APCDD1L: variants seen among roughly 807,000 people sequenced by gnomAD.
The protein encoded by APCDD1L is APC down-regulated 1 like.
Under a neutral mutation model 24.2 loss-of-function variants are expected in APCDD1L, and 21 were observed. That is an observed-to-expected ratio of 0.87 (90% CI 0.61 to 1.25). The LOEUF is 1.25. Among genes scored for constraint, APCDD1L ranks in the 50% most tolerant of loss-of-function variants. APCDD1L has a pLI of 0.00. For synonymous variants in APCDD1L, 321 were observed against 323.6 expected (o/e 0.99, Z 0.09); for missense variants, 704 against 711.7 (o/e 0.99, Z 0.12).
rs570322483 is a variant in APCDD1L, at chr20:58,512,902, C to T, written c.49+1757G>A. 6.6e-5 allele frequency among the ~76,000 whole-genome samples: 10 copies of T among 152,202 alleles called. No individual in the cohort carries two copies. The East Asian group carries it at 1.4e-3, about 21-fold the overall frequency. ...TTGAGGGCAGGCTGCCCCCCTCTCTCGTCAGGCCCCCGGGCACTCTTGGCT... is the reference window on the plus strand; with the variant it reads ...TTGAGGGCAGGCTGCCCCCCTCTCTTGTCAGGCCCCCGGGCACTCTTGGCT... On this transcript the variant is annotated intron_variant, in intron 1 of 3. Coordinates refer to ENST00000371149, the MANE Select transcript of APCDD1L (RefSeq NM_153360.3).
chr20:58,491,427 A>G lies in APCDD1L; in HGVS notation c.50-20680T>C, dbSNP rs141857238. 4.4e-3 allele frequency among the ~76,000 whole-genome samples: 664 copies of G among 152,342 alleles called. 7 individuals carry two copies. The highest frequency in any genetic ancestry group is 0.015 in the African/African-American group (618 of 41,594). ...AAAGATGGCTGGATAAAAGAAATCA[A>G]TATGTAAGAATCAATTACATCTTGT... On this transcript the variant is annotated intron_variant, in intron 1 of 3. Transcript: ENST00000371149.
chr20:58,495,771 G>T (rs931831048), intron 1 of APCDD1L, among the ~76,000 whole-genome samples: 34 of 152,330 alleles, frequency 2.2e-4, no homozygotes, highest in African/African-American at 8.2e-4. Context: ...ACCTCCTGTA[G>T]CAACACAGAA....
chr20:58,515,394 A>C lies in APCDD1L; in HGVS notation c.-687T>G. On this transcript the variant is annotated 5_prime_UTR_variant, in exon 1 of 4. Coordinates refer to ENST00000371149, the MANE Select transcript of APCDD1L (RefSeq NM_153360.3). ...CACCACACCCAAACGCATCTAGGCA[A>C]AGTGTGGACCCGACCAGGCGGGTTT... 8.1e-6 allele frequency: 3 copies of C among 372,298 alleles called. No individual in the cohort carries two copies. Among genetic ancestry groups the C allele is most frequent in the South Asian group, 1.5e-4 (1 of 6,788 alleles). The allele number at this position is 372,298 out of a possible 1,614,324, so 23.1% of individuals were successfully genotyped here. A position where few individuals can be genotyped will look rare whatever the true frequency, so the allele number is the denominator to read the frequency against.
intron 1 of APCDD1L, among the ~76,000 whole-genome samples, chr20:58,479,882 C>A (rs1294429174): frequency 1.3e-5 from 2 of 152,168 alleles, no homozygotes; most frequent in East Asian, 1.9e-4. Flanking sequence ...ACTGCTGCAG[C>A]CAAAGATGTA....
chr20:58,467,619 G>C lies in APCDD1L; in HGVS notation c.228C>G (p.Ala76=), dbSNP rs1466153094. 1.1e-5 allele frequency: 17 copies of C among 1,529,846 alleles called. No homozygotes were observed. The South Asian group carries it at 1.7e-4, about 16-fold the overall frequency. 94.8% of individuals were successfully genotyped at this position (1,529,846 alleles called of 1,614,324 possible). The change falls in exon 3 of 4, where the codon GCC becomes GCG. Residue 76 remains alanine, a synonymous_variant. Coordinates refer to ENST00000371149, the MANE Select transcript of APCDD1L (RefSeq NM_153360.3). This position sits in a 1 kb window ranked among gnomAD's most constrained non-coding sequence, Gnocchi z 5.9. ...AGAGCCGGCTGGGGTAGAAGGTGTAGGCGCGGGTCAGGAACTCCGGTCCTG... is the reference window on the plus strand; with the variant it reads ...AGAGCCGGCTGGGGTAGAAGGTGTACGCGCGGGTCAGGAACTCCGGTCCTG... ...VRPGPEFLTR[A]YTFYPSRLFR...
In APCDD1L at chr20:58,461,034, AG is replaced by A; in HGVS notation, c.1261del (p.Leu421SerfsTer63). 1 of 1,614,008 alleles carries A rather than the reference AG, an allele frequency of 6.2e-7. No homozygotes were observed. On this transcript the variant is annotated frameshift_variant, in exon 4 of 4. Coordinates refer to ENST00000371149, the MANE Select transcript of APCDD1L (RefSeq NM_153360.3). LOFTEE classifies it low-confidence loss of function (END_TRUNC). The surrounding 1 kb of genome is among the most constrained non-coding windows in gnomAD (Gnocchi z 6.0). ...YELFKMEQDP[L>X]GQSLLFIGQR... is the part of the protein sequence containing the mutation. ...TCCGATGAAGAGCAGGCTTTGCCCG[AG>A]GGGGTCTTGTTCCATCTTGAAAAGC...
Position 58,467,048 on chromosome 20 carries a change from G to A in APCDD1L, c.741+58C>T. On this transcript the variant is annotated intron_variant, in intron 3 of 3. Transcript: ENST00000371149. This position sits in a 1 kb window ranked among gnomAD's most constrained non-coding sequence, Gnocchi z 5.9. The stretch of plus-strand genomic sequence containing the variant: ...TTGCAAAGCTGCGGGGCTGGGTTCC[G>A]AGCTCGCCTCCCCGAGACCACCACC... 4 of 1,529,010 alleles carry A rather than the reference G, an allele frequency of 2.6e-6. No homozygotes were observed. Among genetic ancestry groups the A allele is most frequent in the African/African-American group, 1.4e-5 (1 of 71,254 alleles). 94.7% of individuals were successfully genotyped at this position (1,529,010 alleles called of 1,614,324 possible). A position where few individuals can be genotyped will look rare whatever the true frequency, so the allele number is the denominator to read the frequency against.
intron 1 of APCDD1L, chr20:58,513,844 T>G (rs1370303985): frequency 7.8e-7 from 1 of 1,281,114 alleles, no homozygotes; most frequent in Non-Finnish European, 1.0e-6. Context: ...GATATGATGT[T>G]GATCTGGGCT....
chr20:58,463,388 T>G (rs1405636544), intron 3 of APCDD1L, among the ~76,000 whole-genome samples: 1 of 152,044 alleles, frequency 6.6e-6, no homozygotes, highest in Non-Finnish European at 1.5e-5. Context: ...CCTTACAAAC[T>G]CTCGTGAGCT....
intron 1 of APCDD1L, among the ~76,000 whole-genome samples, chr20:58,502,332 CT>C (rs754897461): frequency 3.5e-4 from 53 of 152,176 alleles, no homozygotes; most frequent in Non-Finnish European, 6.5e-4. Flanking sequence ...AACTCCTGAC[CT>C]CAAGTGATCC....
chr20:58,514,928 A>C lies in APCDD1L; in HGVS notation c.-221T>G, dbSNP rs781458357. 8.0e-6 allele frequency: 3 copies of C among 376,776 alleles called. No homozygotes were observed. Among genetic ancestry groups the C allele is most frequent in the African/African-American group, 4.2e-5 (2 of 47,828 alleles). The allele number at this position is 376,776 out of a possible 1,614,324, so 23.3% of individuals were successfully genotyped here. On this transcript the variant is annotated 5_prime_UTR_variant, in exon 1 of 4. Coordinates refer to ENST00000371149, the MANE Select transcript of APCDD1L (RefSeq NM_153360.3). The stretch of plus-strand genomic sequence containing the variant: ...TGCGCACTCATAGGTCCAACTTGCC[A>C]GAAGAGGTGGAGACAGCCCCCGGCG...
chr20:58,503,589 C>T (rs768733496), intron 1 of APCDD1L, among the ~76,000 whole-genome samples: 1 of 152,170 alleles, frequency 6.6e-6, no homozygotes, highest in African/African-American at 2.4e-5. Context: ...TGGGTATGAG[C>T]TATTGCTTTT....
At chr20:58,500,411 C>T (rs1413241181) in intron 1 of APCDD1L, among the ~76,000 whole-genome samples, 4 of 152,016 alleles carry the variant, frequency 2.6e-5, no homozygotes, top group South Asian at 2.1e-4. Context: ...AGTGGGATCC[C>T]GGGGGTCATA....
intron 1 of APCDD1L, among the ~76,000 whole-genome samples, chr20:58,501,119 G>A (rs1427958193): frequency 6.6e-5 from 10 of 152,236 alleles, no homozygotes; most frequent in African/African-American, 2.4e-5. Context: ...GGTAACTTTA[G>A]TCCTGAAGTT....
At chr20:58,495,776 A>G (rs1205707980) in intron 1 of APCDD1L, among the ~76,000 whole-genome samples, 3 of 152,158 alleles carry the variant, frequency 2.0e-5, no homozygotes, top group African/African-American at 7.2e-5. Flanking sequence ...CTGTAGCAAC[A>G]CAGAACCAGA....
At chr20:58,514,539 A>G in intron 1 of APCDD1L, 120 bp downstream of exon 1, 2 of 1,016,974 alleles carry the variant, frequency 2.0e-6, no homozygotes, top group South Asian at 5.0e-5. Flanking sequence ...GGCGCAGCAT[A>G]GCAGCCGCGT....
rs1248085331 is a variant in APCDD1L, at chr20:58,494,518, T to TG, written c.49+20140_49+20141insC. Among the ~76,000 whole-genome samples, 2 of 151,090 alleles carry TG rather than the reference T, an allele frequency of 1.3e-5. No homozygotes were observed. Among genetic ancestry groups the TG allele is most frequent in the African/African-American group, 4.9e-5 (2 of 41,014 alleles). ...ACTCAGCTAATTTTTAATTTTTTTTTTGGTAGAGATGGGGTCTGGCTATGT... is the reference window on the plus strand; with the variant it reads ...ACTCAGCTAATTTTTAATTTTTTTTTGTGGTAGAGATGGGGTCTGGCTATGT... On this transcript the variant is annotated intron_variant, in intron 1 of 3. Transcript: ENST00000371149. This position sits in a 1 kb window ranked among gnomAD's most constrained non-coding sequence, Gnocchi z 4.8.
chr20:58,463,893 T>TGG (rs1568733425), intron 3 of APCDD1L, among the ~76,000 whole-genome samples: 23 of 56,420 alleles, frequency 4.1e-4, no homozygotes, highest in South Asian at 1.6e-3. Context: ...CAGTTTTTTT[T>TGG]TGGGGGGGGG....
intron 1 of APCDD1L, among the ~76,000 whole-genome samples, chr20:58,485,640 T>G (rs1487517050): frequency 6.6e-6 from 1 of 152,214 alleles, no homozygotes; most frequent in Non-Finnish European, 1.5e-5. Flanking sequence ...TCTCGCTGTT[T>G]CCCTGGCACT....
Sources: gnomAD v4.1 joint callset for allele counts (sites outside exome capture counted in the v4.1 genomes callset) on GRCh38, gnomAD v4.1.1 for gene constraint, Gnocchi (gnomAD v3.1) non-coding constraint, MANE v1.5 for transcripts, NCBI Gene and HGNC (gene_info 2026-07-23, HGNC 2026-07-21) for gene names.